The following SYT16 variants were observed in gnomAD, a reference collection of about 807,000 sequenced individuals.
SYT16 encodes the protein synaptotagmin 16, also known as synaptotagmin-16.
Under a neutral mutation model 61.4 loss-of-function variants are expected in SYT16, and 42 were observed. That is an observed-to-expected ratio of 0.68 (90% CI 0.53 to 0.89). The LOEUF is 0.89. SYT16 is among the 40% of genes least tolerant of loss of function. The pLI is 0.00. For missense variants in SYT16, 804 were observed against 807.3 expected (o/e 1.00, Z 0.05); for synonymous variants, 314 against 302.3 (o/e 1.04, Z -0.40).
At chr14:61,894,262 G>C (rs889502187) in intron 1 of SYT16, among the ~76,000 whole-genome samples, 14 of 150,956 alleles carry the variant, frequency 9.3e-5, no homozygotes, top group Admixed American at 2.6e-4. Flanking sequence ...TCCGGCCTGG[G>C]CAACAAGAAC....
chr14:61,858,899 G>C (rs2046868802), intron 1 of SYT16, among the ~76,000 whole-genome samples: 1 of 149,220 alleles, frequency 6.7e-6, no homozygotes, highest in South Asian at 2.1e-4. Context: ...CTGTTGCCCA[G>C]GCTGGAGTGC....
intron 3 of SYT16, among the ~76,000 whole-genome samples, chr14:62,030,604 A>C (rs1036911090): frequency 6.6e-6 from 1 of 152,198 alleles, no homozygotes; most frequent in African/African-American, 2.4e-5. Flanking sequence ...TACCTGTTTC[A>C]CTTCTTGCCA....
intron 3 of SYT16, among the ~76,000 whole-genome samples, chr14:62,033,263 CT>C (rs1164307867): frequency 6.6e-6 from 1 of 151,830 alleles, no homozygotes; most frequent in Non-Finnish European, 1.5e-5. Flanking sequence ...ATGAAATCAA[CT>C]GCATTTTTTT....
rs1049949228 is a variant in SYT16, at chr14:62,008,783, T to C, written c.523+12241T>C. On this transcript the variant is annotated intron_variant, in intron 3 of 7. Coordinates refer to ENST00000683842, the MANE Select transcript of SYT16 (RefSeq NM_001367656.1). ...TTCTCAATGTTATGTTTTTGAGTTATGCAGATACATGTAGATTTGTTTTAT... is the reference window on the plus strand; with the variant it reads ...TTCTCAATGTTATGTTTTTGAGTTACGCAGATACATGTAGATTTGTTTTAT... Among the ~76,000 whole-genome samples, 16 of 152,290 alleles carry C rather than the reference T, an allele frequency of 1.1e-4. No individual in the cohort carries two copies. In the East Asian group the frequency reaches 2.9e-3, roughly 28 times the overall value.
In SYT16 at chr14:62,102,726, GA is replaced by G. The variant is rs944869930; in HGVS notation, c.*2026del. On this transcript the variant is annotated 3_prime_UTR_variant, in exon 8 of 8. Transcript: ENST00000683842. ...AGCATTCATTTTAAAATTTACATTT[GA>G]AAAAAATCTGTATATATTGTACAGA... is the stretch of plus-strand genomic sequence containing the variant. The G allele has an allele frequency of 7.9e-5, 12 of 151,918 alleles. No homozygotes were observed. Among genetic ancestry groups the G allele is most frequent in the Non-Finnish European group, 1.5e-4 (10 of 67,966 alleles). The allele number at this position is 151,918 out of a possible 1,614,324, so 9.4% of individuals were successfully genotyped here. A position where few individuals can be genotyped will look rare whatever the true frequency, so the allele number is the denominator to read the frequency against.
rs572865056 is a variant in SYT16 at position 61,875,030 on chromosome 14, A to C, written c.-325+62220A>C. Among the ~76,000 whole-genome samples, 42 of 152,350 alleles carry C rather than the reference A, an allele frequency of 2.8e-4. 1 individual carries two copies. The South Asian group carries it at 8.5e-3, about 31-fold the overall frequency. On this transcript the variant is annotated intron_variant, in intron 1 of 7. Coordinates refer to ENST00000683842, the MANE Select transcript of SYT16 (RefSeq NM_001367656.1). ...TTCAAAACTTTGCTATGCAAAGTGC[A>C]GTTGTGGATCAGTAACCTGCCTGGG...
intron 2 of SYT16, among the ~76,000 whole-genome samples, chr14:61,975,565 G>A (rs1405950161): frequency 6.6e-6 from 1 of 152,180 alleles, no homozygotes; most frequent in Non-Finnish European, 1.5e-5. Context: ...AGTGAAGGGG[G>A]AAGAGTGCCT....
chr14:62,021,315 C>G (rs979955625), intron 3 of SYT16, among the ~76,000 whole-genome samples: 5 of 152,104 alleles, frequency 3.3e-5, no homozygotes, highest in Non-Finnish European at 5.9e-5. Context: ...TAAGTGTGGT[C>G]TTAGGTGGGT....
intron 1 of SYT16, among the ~76,000 whole-genome samples, chr14:61,919,291 T>G (rs1566680070): frequency 6.6e-6 from 1 of 152,178 alleles, no homozygotes; most frequent in Non-Finnish European, 1.5e-5. Context: ...GGTTTTCTGC[T>G]TCTAGTGTTT....
intron 1 of SYT16, among the ~76,000 whole-genome samples, chr14:61,884,943 A>G (rs546201356): frequency 6.6e-6 from 1 of 152,188 alleles, no homozygotes; most frequent in Non-Finnish European, 1.5e-5. Context: ...GACTCCAGGA[A>G]ATAAAGCCAA....
intron 1 of SYT16, among the ~76,000 whole-genome samples, chr14:61,959,486 G>A (rs893085552): frequency 6.6e-6 from 1 of 152,000 alleles, no homozygotes; most frequent in African/African-American, 2.4e-5. Flanking sequence ...ATTTTAAGCT[G>A]ATAACTTCAA....
At chr14:62,071,718 A>T (rs181450835) in intron 4 of SYT16, among the ~76,000 whole-genome samples, 1 of 152,184 alleles carries the variant, frequency 6.6e-6, no homozygotes, top group Admixed American at 6.5e-5. Context: ...TGGTATGCCT[A>T]TTCTCTATTT....
At chr14:62,029,329 A>G (rs1455134891) in intron 3 of SYT16, among the ~76,000 whole-genome samples, 1 of 152,176 alleles carries the variant, frequency 6.6e-6, no homozygotes, top group African/African-American at 2.4e-5. Flanking sequence ...TCTTGGGTGA[A>G]TGTGGGAGGA....
rs757850419 is a variant in SYT16, at chr14:62,084,187, C to T, written c.1435-9C>T. Reference sequence around the variant, plus strand: ...GGCCAATGGATTCTTTGTTGTTCTTCCCCTCCAGAGTGGAGGGTCTCCGCT... The same window carrying T: ...GGCCAATGGATTCTTTGTTGTTCTTTCCCTCCAGAGTGGAGGGTCTCCGCT... On this transcript the variant is annotated splice_polypyrimidine_tract_variant and intron_variant, in intron 6 of 7. Transcript: ENST00000683842. 2 of 1,610,518 alleles carry T rather than the reference C, an allele frequency of 1.2e-6. No homozygotes were observed. The highest frequency in any genetic ancestry group is 2.2e-5 in the East Asian group (1 of 44,750).
At chr14:61,850,155 A>G (rs371183158) in intron 1 of SYT16, among the ~76,000 whole-genome samples, 25 of 147,464 alleles carry the variant, frequency 1.7e-4, no homozygotes, top group African/African-American at 5.0e-4. Context: ...TTTTTTTGAG[A>G]CGGACTTTTG....
At chr14:62,004,506 A>G (rs899151357) in intron 3 of SYT16, among the ~76,000 whole-genome samples, 1 of 152,172 alleles carries the variant, frequency 6.6e-6, no homozygotes. Flanking sequence ...AATCAAGGGT[A>G]GCACCCACAG....
At chr14:62,089,014 T>C (rs1274203893) in intron 7 of SYT16, among the ~76,000 whole-genome samples, 2 of 151,794 alleles carry the variant, frequency 1.3e-5, no homozygotes, top group Non-Finnish European at 2.9e-5. Flanking sequence ...AGATAAACCT[T>C]GGATCAGAAA....
intron 1 of SYT16, among the ~76,000 whole-genome samples, chr14:61,887,049 A>G (rs2047936975): frequency 6.6e-6 from 1 of 151,982 alleles, no homozygotes; most frequent in African/African-American, 2.4e-5. Context: ...CATGAAATGT[A>G]TTTCTTAAAT....
chr14:62,033,584 A>T (rs995963754), intron 3 of SYT16, among the ~76,000 whole-genome samples: 1 of 152,172 alleles, frequency 6.6e-6, no homozygotes. Flanking sequence ...AGTGAGGTGG[A>T]ACGGAGAGGG....
Sources: gnomAD v4.1 joint callset for allele counts (sites outside exome capture counted in the v4.1 genomes callset) on GRCh38, gnomAD v4.1.1 for gene constraint, MANE v1.5 for transcripts, NCBI Gene and HGNC (gene_info 2026-07-23, HGNC 2026-07-21) for gene names.